Variants in ADCYAP1R1 observed in about 807,000 individuals in gnomAD.
ADCYAP1R1 encodes pituitary adenylate cyclase-activating polypeptide type I receptor.
A neutral mutation model predicts 67.6 loss-of-function variants in ADCYAP1R1; 44 were observed. The observed-to-expected ratio is 0.65, with a 90% CI of 0.51 to 0.84. ADCYAP1R1 has a LOEUF of 0.84. Ranked by LOEUF, ADCYAP1R1 falls within the 40% of genes least tolerant of loss-of-function variation. The probability of loss-of-function intolerance (pLI) is 0.00; values close to 1 mark genes in which losing one functional copy is unlikely to be tolerated. For missense variants in ADCYAP1R1, 477 were observed against 587.9 expected (o/e 0.81, Z 1.95); for synonymous variants, 222 against 219.6 (o/e 1.01, Z -0.10).
Position 31,063,330 on chromosome 7 carries a change from A to G in ADCYAP1R1, c.51+15A>G, listed in dbSNP as rs755428719. On this transcript the variant is annotated intron_variant, in intron 2 of 15. Transcript: ENST00000304166. ...TGCTGCCTATGGTAAGGGCCCAGGA[A>G]CATCTCTCTGGGAGCCCCAGGCTCA... 10 of 1,614,114 alleles carry G rather than the reference A, an allele frequency of 6.2e-6. No individual in the cohort carries two copies. The African/African-American group carries it at 8.0e-5, about 13-fold the overall frequency.
At chr7:31,104,780 G>C in intron 14 of ADCYAP1R1, 88 bp from the exon 15 acceptor site, 1 of 1,455,306 alleles carries the variant, frequency 6.9e-7, no homozygotes, top group Non-Finnish European at 9.6e-7. Flanking sequence ...GTGTATTTCT[G>C]CTTCCTAGAG....
intron 12 of ADCYAP1R1, among the ~76,000 whole-genome samples, chr7:31,090,443 G>A: frequency 6.6e-6 from 1 of 151,940 alleles, no homozygotes; most frequent in Non-Finnish European, 1.5e-5. Context: ...TTAGATCCAG[G>A]GAATACATGT....
intron 13 of ADCYAP1R1, among the ~76,000 whole-genome samples, chr7:31,101,401 T>A (rs1796430072): frequency 6.6e-6 from 1 of 152,162 alleles, no homozygotes; most frequent in African/African-American, 2.4e-5. Context: ...TGGTCCCACC[T>A]ATGGGAACAG....
intron 5 of ADCYAP1R1, among the ~76,000 whole-genome samples, 153 bp from the exon 6 acceptor site, chr7:31,081,560 C>G (rs191960556): frequency 1.3e-5 from 2 of 152,184 alleles, no homozygotes; most frequent in Non-Finnish European, 2.9e-5. Context: ...GAGAAAGGTG[C>G]GCGGCTGCTA....
intron 13 of ADCYAP1R1, among the ~76,000 whole-genome samples, chr7:31,097,822 G>T (rs1003621964): frequency 3.9e-5 from 6 of 152,062 alleles, no homozygotes; most frequent in Admixed American, 2.6e-4. Context: ...GTTGGGGGGG[G>T]GTCTCCTGGA....
At chr7:31,074,051 C>T (rs1042153418) in intron 3 of ADCYAP1R1, among the ~76,000 whole-genome samples, 10 of 152,102 alleles carry the variant, frequency 6.6e-5, no homozygotes, top group Non-Finnish European at 1.5e-4. Flanking sequence ...CTGTAGCTGC[C>T]CCAGCCATCC....
At chr7:31,066,183 G>C (rs1259193685) in intron 3 of ADCYAP1R1, among the ~76,000 whole-genome samples, 1 of 152,214 alleles carries the variant, frequency 6.6e-6, no homozygotes, top group Non-Finnish European at 1.5e-5. Flanking sequence ...CTGAGGGCAG[G>C]GATGGTGTGG....
intron 13 of ADCYAP1R1, among the ~76,000 whole-genome samples, chr7:31,096,631 C>T (rs181393497): frequency 7.9e-5 from 12 of 152,282 alleles, no homozygotes; most frequent in African/African-American, 1.4e-4. Flanking sequence ...CCCTCCAGAC[C>T]GGCTGGGAGT....
At chr7:31,089,536 T>C (rs1795880934) in intron 12 of ADCYAP1R1, among the ~76,000 whole-genome samples, 1 of 152,114 alleles carries the variant, frequency 6.6e-6, no homozygotes, top group African/African-American at 2.4e-5. Flanking sequence ...AGTATTCCAC[T>C]TTTCCTTCAT....
At chr7:31,097,952 T>G (rs1180196491) in intron 13 of ADCYAP1R1, among the ~76,000 whole-genome samples, 1 of 152,096 alleles carries the variant, frequency 6.6e-6, no homozygotes, top group Non-Finnish European at 1.5e-5. Context: ...CCAGGCTGAA[T>G]TGCAGTGGCG....
intron 3 of ADCYAP1R1, among the ~76,000 whole-genome samples, chr7:31,077,645 G>T (rs1041660927): frequency 6.8e-6 from 1 of 147,198 alleles, no homozygotes; most frequent in Non-Finnish European, 1.5e-5. Context: ...TATGTGTGTG[G>T]TGTGTGTGAT....
chr7:31,098,594 T>G (rs955973114), intron 13 of ADCYAP1R1, among the ~76,000 whole-genome samples: 3 of 151,840 alleles, frequency 2.0e-5, no homozygotes, highest in African/African-American at 4.8e-5. Flanking sequence ...TCGACATTCC[T>G]CTTCTGGAAA....
rs967485955 is a variant in ADCYAP1R1, at chr7:31,106,774, C to T, written c.*90C>T. 9.2e-6 allele frequency: 13 copies of T among 1,419,952 alleles called. No individual in the cohort carries two copies. Among genetic ancestry groups the T allele is most frequent in the Non-Finnish European group, 1.0e-5 (11 of 1,071,028 alleles). 88.0% of individuals were successfully genotyped at this position (1,419,952 alleles called of 1,614,324 possible). On this transcript the variant is annotated 3_prime_UTR_variant, in exon 16 of 16. Coordinates refer to ENST00000304166, the MANE Select transcript of ADCYAP1R1 (RefSeq NM_001118.5). ...ACGCATGTTTGCGCCTCTTCCCTCC[C>T]CTTGGGCAGGCCCTGGGCTGGAAGC...
rs112449345 is a variant in ADCYAP1R1 at position 31,081,657 on chromosome 7, C to G, written c.287-56C>G. On this transcript the variant is annotated intron_variant, in intron 5 of 15. Coordinates refer to ENST00000304166, the MANE Select transcript of ADCYAP1R1 (RefSeq NM_001118.5). ...TGAGCCTTCCAGGGTGGAGAGTAAA[C>G]AGTAGCTAACTGTAAGCCAGGCATT... The G allele has an allele frequency of 5.0e-5, 72 of 1,442,562 alleles. 1 individual carries two copies. In the South Asian group the frequency reaches 7.8e-4, roughly 16 times the overall value. 89.4% of individuals were successfully genotyped at this position (1,442,562 alleles called of 1,614,324 possible).
rs1794053967 is a variant in ADCYAP1R1, at chr7:31,052,515, G to A, written c.-235G>A. The stretch of plus-strand genomic sequence containing the variant: ...ACACGCCGCCGCGCAGGGACACACG[G>A]ACCCCGGCCGCCAGCCGGCCACACA... On this transcript the variant is annotated 5_prime_UTR_variant, in exon 1 of 16. Transcript: ENST00000304166. 1 of 150,594 alleles carries A rather than the reference G, an allele frequency of 6.6e-6. No individual in the cohort carries two copies. Among genetic ancestry groups the A allele is most frequent in the African/African-American group, 2.4e-5 (1 of 41,238 alleles). The allele number at this position is 150,594 out of a possible 1,614,324, so 9.3% of individuals were successfully genotyped here. A position where few individuals can be genotyped will look rare whatever the true frequency, so the allele number is the denominator to read the frequency against.
intron 3 of ADCYAP1R1, among the ~76,000 whole-genome samples, chr7:31,073,244 T>C (rs1428307790): frequency 6.6e-6 from 1 of 152,184 alleles, no homozygotes; most frequent in African/African-American, 2.4e-5. Flanking sequence ...CTAAGAGCTC[T>C]GTGAAGGCAG....
intron 13 of ADCYAP1R1, among the ~76,000 whole-genome samples, chr7:31,093,344 C>T (rs1796046952): frequency 6.6e-6 from 1 of 151,888 alleles, no homozygotes. Flanking sequence ...ACAGGGCAGC[C>T]TCTTACCATA....
chr7:31,083,542 G>A (rs562911567), intron 6 of ADCYAP1R1, among the ~76,000 whole-genome samples: 2 of 152,316 alleles, frequency 1.3e-5, no homozygotes, highest in South Asian at 2.1e-4. Flanking sequence ...ATATATCTTC[G>A]TAAGATCCGG....
At chr7:31,087,483 G>C in intron 11 of ADCYAP1R1, 144 bp from the exon 12 acceptor site, 1 of 712,682 alleles carries the variant, frequency 1.4e-6, no homozygotes, top group Non-Finnish European at 2.5e-6. Flanking sequence ...TAGCCCGCTG[G>C]AGAGCTCTTG....
Sources: allele counts gnomAD v4.1 joint callset (sites outside exome capture counted in the v4.1 genomes callset), GRCh38; gene constraint gnomAD v4.1.1; transcripts MANE v1.5; gene names NCBI Gene and HGNC (gene_info 2026-07-23, HGNC 2026-07-21).